The following APLF variants were observed in gnomAD, a reference collection of about 807,000 sequenced individuals.
APLF encodes the protein aprataxin and PNK-like factor.
Under a neutral mutation model 55.6 loss-of-function variants are expected in APLF, and 61 were observed. The ratio of observed to expected loss-of-function variants is 1.10; its 90% CI spans 0.89 to 1.36. The LOEUF (loss-of-function observed/expected upper bound fraction) is 1.36. Among genes scored for constraint, APLF ranks in the 40% most tolerant of loss-of-function variants. APLF has a pLI of 0.00. For missense variants in APLF, 611 were observed against 602.5 expected, an observed-to-expected ratio of 1.01 and a Z score of -0.15; for synonymous variants, 207 against 214.8, an observed-to-expected ratio of 0.96 and a Z score of 0.32.
rs971506948 is a variant in APLF, at chr2:68,564,099, G to T, written c.1287-3242G>T. Among the ~76,000 whole-genome samples, 3 of 151,888 alleles carry T rather than the reference G, an allele frequency of 2.0e-5. No individual in the cohort carries two copies. In the East Asian group the frequency reaches 5.8e-4, roughly 29 times the overall value. Reference sequence around the variant, plus strand: ...ATGTTCCCCATTTTTATCTTTCTCCGTTCCTGATGCCCAGCACTAATTATA... The same window carrying T: ...ATGTTCCCCATTTTTATCTTTCTCCTTTCCTGATGCCCAGCACTAATTATA... On this transcript the variant is annotated intron_variant, in intron 8 of 9. Transcript: ENST00000303795.
At chr2:68,490,326 G>A (rs1676320588) in intron 2 of APLF, 65 bp downstream of exon 2, 1 of 1,389,954 alleles carries the variant, frequency 7.2e-7, no homozygotes, top group Non-Finnish European at 1.0e-6. Context: ...CCAAGCAGAG[G>A]TGCCTATTTT....
chr2:68,480,597 C>T (rs372196554), intron 1 of APLF, among the ~76,000 whole-genome samples: 67 of 152,000 alleles, frequency 4.4e-4, no homozygotes, highest in African/African-American at 1.4e-3. Flanking sequence ...CTACCATGCC[C>T]GGCTGTTTTT....
At chr2:68,494,130 G>T (rs1676461266) in intron 2 of APLF, among the ~76,000 whole-genome samples, 1 of 149,240 alleles carries the variant, frequency 6.7e-6, no homozygotes, top group Non-Finnish European at 1.5e-5. Context: ...AAAAAAATTA[G>T]CCAGGCGTGG....
intron 8 of APLF, 53 bp from the exon 9 acceptor site, chr2:68,567,288 A>G (rs977458806): frequency 2.1e-5 from 31 of 1,492,946 alleles, no homozygotes; most frequent in African/African-American, 1.1e-4. Flanking sequence ...GTAAATAGTC[A>G]TCAACTTTTA....
chr2:68,532,632 G>T (rs1411924365), intron 6 of APLF, among the ~76,000 whole-genome samples: 2 of 152,160 alleles, frequency 1.3e-5, no homozygotes, highest in Non-Finnish European at 2.9e-5. Flanking sequence ...TGTGACTGTA[G>T]TAACTTCTCT....
intron 6 of APLF, among the ~76,000 whole-genome samples, chr2:68,537,436 C>T (rs1160988814): frequency 4.0e-5 from 6 of 151,290 alleles, no homozygotes; most frequent in Non-Finnish European, 8.8e-5. Context: ...GGTGCAATCT[C>T]AGTTCACTGC....
At chr2:68,530,145 T>C (rs1355136671) in intron 6 of APLF, among the ~76,000 whole-genome samples, 2 of 152,248 alleles carry the variant, frequency 1.3e-5, no homozygotes, top group African/African-American at 4.8e-5. Flanking sequence ...ATTCAGGTGG[T>C]CATGGCCCAG....
chr2:68,483,430 C>T (rs1276232354), intron 1 of APLF, among the ~76,000 whole-genome samples: 1 of 152,172 alleles, frequency 6.6e-6, no homozygotes, highest in African/African-American at 2.4e-5. Flanking sequence ...TTTCATCCTG[C>T]TTTTGTGCTC....
Position 68,579,986 on chromosome 2 carries a change from GGT to G in APLF, c.*1965_*1966del. ...TCTGTCACAAAAAAGTAATGCAAAGGGTAATACCAGTCTTTTAGAAGGAAAAA... is the reference window on the plus strand; with the variant it reads ...TCTGTCACAAAAAAGTAATGCAAAGGAATACCAGTCTTTTAGAAGGAAAAA... On this transcript the variant is annotated 3_prime_UTR_variant, in exon 10 of 10. Coordinates refer to ENST00000303795, the MANE Select transcript of APLF (RefSeq NM_173545.3). 1.3e-5 allele frequency: 11 copies of G among 877,368 alleles called. No homozygotes were observed. Among genetic ancestry groups the G allele is most frequent in the Non-Finnish European group, 1.5e-5 (11 of 731,618 alleles). 54.3% of individuals were successfully genotyped at this position (877,368 alleles called of 1,614,324 possible).
At chr2:68,573,423 A>G (rs1243767745) in intron 9 of APLF, among the ~76,000 whole-genome samples, 1 of 152,198 alleles carries the variant, frequency 6.6e-6, no homozygotes, top group African/African-American at 2.4e-5. Flanking sequence ...CTGTAATCCT[A>G]GCACTTTGGG....
intron 1 of APLF, among the ~76,000 whole-genome samples, chr2:68,472,027 G>A (rs962418963): frequency 6.6e-6 from 1 of 152,168 alleles, no homozygotes; most frequent in Non-Finnish European, 1.5e-5. Context: ...GGGGCTTCCA[G>A]GCTATAGGTA....
intron 5 of APLF, among the ~76,000 whole-genome samples, chr2:68,519,014 A>T (rs1260980488): frequency 8.0e-6 from 1 of 124,518 alleles, no homozygotes; most frequent in South Asian, 2.3e-4. Flanking sequence ...ATTAATATAT[A>T]ATAATATATA....
intron 2 of APLF, among the ~76,000 whole-genome samples, chr2:68,496,072 T>C (rs1573175344): frequency 6.6e-6 from 1 of 152,180 alleles, no homozygotes; most frequent in East Asian, 1.9e-4. Flanking sequence ...TTCTCCATTG[T>C]CTTGGATATT....
intron 7 of APLF, 76 bp from the exon 8 acceptor site, chr2:68,545,111 G>A: frequency 6.5e-7 from 1 of 1,534,410 alleles, no homozygotes; most frequent in African/African-American, 1.4e-5. Flanking sequence ...TGGATTGTCT[G>A]GTTTCCTGCT....
intron 5 of APLF, among the ~76,000 whole-genome samples, chr2:68,518,594 A>C (rs1182990662): frequency 8.2e-6 from 1 of 122,354 alleles, no homozygotes; most frequent in Non-Finnish European, 1.6e-5. Flanking sequence ...ATATATCATG[A>C]ATATATAATA....
intron 1 of APLF, among the ~76,000 whole-genome samples, chr2:68,481,461 A>G (rs1675955603): frequency 6.6e-6 from 1 of 152,108 alleles, no homozygotes; most frequent in Non-Finnish European, 1.5e-5. Flanking sequence ...GTTTCTGCTG[A>G]GAAATCTGCT....
rs756347682 is a variant in APLF at position 68,567,840 on chromosome 2, G to C, written c.1333+453G>C. 3.9e-4 allele frequency among the ~76,000 whole-genome samples: 59 copies of C among 152,050 alleles called. 1 individual carries two copies. The highest frequency in any genetic ancestry group is 4.3e-4 in the Non-Finnish European group (29 of 67,978). On this transcript the variant is annotated intron_variant, in intron 9 of 9. Coordinates refer to ENST00000303795, the MANE Select transcript of APLF (RefSeq NM_173545.3). The stretch of plus-strand genomic sequence containing the variant: ...TAAGGCTGGCTCCTCTTCCAACGAG[G>C]GACTTTATGTGTCCTTATTCAGCTG...
In APLF at chr2:68,536,675, G is replaced by T. The variant is rs545731686; in HGVS notation, c.805-1197G>T. ...GCAGTGCTAATGAGAGTATTTATTTGGTTCAAAGCACCTTCAGTTTGGTTA... is the reference window on the plus strand; with the variant it reads ...GCAGTGCTAATGAGAGTATTTATTTTGTTCAAAGCACCTTCAGTTTGGTTA... On this transcript the variant is annotated intron_variant, in intron 6 of 9. Coordinates refer to ENST00000303795, the MANE Select transcript of APLF (RefSeq NM_173545.3). 4.6e-5 allele frequency among the ~76,000 whole-genome samples: 7 copies of T among 152,146 alleles called. No homozygotes were observed. The East Asian group carries it at 1.2e-3, about 25-fold the overall frequency.
At chr2:68,477,519 T>C (rs894057248) in intron 1 of APLF, among the ~76,000 whole-genome samples, 1 of 151,994 alleles carries the variant, frequency 6.6e-6, no homozygotes, top group Non-Finnish European at 1.5e-5. Context: ...TACATGCCTG[T>C]AATCCCAGCT....
Sources: allele counts gnomAD v4.1 joint callset (sites outside exome capture counted in the v4.1 genomes callset), GRCh38; gene constraint gnomAD v4.1.1; transcripts MANE v1.5; gene names NCBI Gene and HGNC (gene_info 2026-07-23, HGNC 2026-07-21).